Variants in CEP95 observed in about 807,000 individuals in gnomAD.
The protein encoded by CEP95 is centrosomal protein of 95 kDa.
In CEP95, 98 loss-of-function variants were observed where a neutral mutation model predicts 111.2. The observed-to-expected ratio is 0.88, with a 90% confidence interval of 0.75 to 1.04. CEP95 has a LOEUF of 1.04. Ranked by LOEUF, CEP95 falls within the 50% of genes least tolerant of loss-of-function variation. The pLI is 0.00. For missense variants in CEP95, 1,027 were observed against 977.2 expected, an observed-to-expected ratio of 1.05 and a Z score of -0.68; for synonymous variants, 323 against 327.1, an observed-to-expected ratio of 0.99 and a Z score of 0.14.
At chr17:64,507,299 G>C in intron 1 of CEP95, 183 bp downstream of exon 1, 2 of 1,464,498 alleles carry the variant, frequency 1.4e-6, no homozygotes, top group Non-Finnish European at 9.1e-7. Flanking sequence ...CTTCGAGGCC[G>C]TGGAACAGCA....
At chr17:64,530,874 G>T in intron 12 of CEP95, 52 bp from the exon 13 acceptor site, 1 of 1,062,410 alleles carries the variant, frequency 9.4e-7, no homozygotes, top group Non-Finnish European at 1.4e-6. Flanking sequence ...CCATGGTGCT[G>T]CCCGTTGTGT....
At chr17:64,511,263 TA>T (rs1455246981) in intron 3 of CEP95, among the ~76,000 whole-genome samples, 1 of 152,186 alleles carries the variant, frequency 6.6e-6, no homozygotes, top group Non-Finnish European at 1.5e-5. Flanking sequence ...GACCAAAATT[TA>T]TTAGGCGGGA....
chr17:64,514,187 GA>G, intron 3 of CEP95, 60 bp from the exon 4 acceptor site: 1 of 679,586 alleles, frequency 1.5e-6, no homozygotes, highest in Non-Finnish European at 2.6e-6. Flanking sequence ...CAAGTTTCAA[GA>G]TTATGAAGCT....
At chr17:64,518,648 A>G (rs1967062382) in intron 5 of CEP95, among the ~76,000 whole-genome samples, 1 of 152,156 alleles carries the variant, frequency 6.6e-6, no homozygotes, top group African/African-American at 2.4e-5. Flanking sequence ...GTACATTGTA[A>G]AAAATGTGTC....
chr17:64,527,568 C>G (rs1387073551), intron 11 of CEP95, among the ~76,000 whole-genome samples: 1 of 152,056 alleles, frequency 6.6e-6, no homozygotes, highest in African/African-American at 2.4e-5. Flanking sequence ...TTCTTCTGAT[C>G]CTTGTTTTTA....
At chr17:64,518,112 A>G (rs1967015559) in intron 5 of CEP95, among the ~76,000 whole-genome samples, 1 of 152,104 alleles carries the variant, frequency 6.6e-6, no homozygotes, top group Non-Finnish European at 1.5e-5. Flanking sequence ...CCTGACCTCA[A>G]GTGATCCGCC....
intron 19 of CEP95, 99 bp from the exon 20 acceptor site, chr17:64,537,504 T>A: frequency 6.9e-7 from 1 of 1,446,296 alleles, no homozygotes; most frequent in Admixed American, 2.7e-5. Flanking sequence ...TATTGAAAAT[T>A]TTGGAGGAGT....
intron 12 of CEP95, among the ~76,000 whole-genome samples, chr17:64,530,148 G>A (rs1227436639): frequency 6.6e-6 from 1 of 152,180 alleles, no homozygotes; most frequent in Non-Finnish European, 1.5e-5. Flanking sequence ...CACTTTGGGA[G>A]GGTGAGACAG....
chr17:64,508,038 A>G, intron 1 of CEP95: 1 of 985,374 alleles, frequency 1.0e-6, no homozygotes, highest in Non-Finnish European at 1.2e-6. Context: ...TAAAAAAGAA[A>G]AACTAACAAA....
intron 8 of CEP95, 25 bp from the exon 9 acceptor site, chr17:64,525,745 T>C (rs781818571): frequency 4.7e-6 from 7 of 1,482,010 alleles, no homozygotes; most frequent in Non-Finnish European, 6.5e-6. Flanking sequence ...CTTTTTCAAA[T>C]CAACTTTTTT....
At chr17:64,534,908 T>G (rs1968547404) in intron 17 of CEP95, 171 bp downstream of exon 17, 1 of 693,284 alleles carries the variant, frequency 1.4e-6, no homozygotes, top group Non-Finnish European at 2.5e-6. Context: ...CTTACTCCAT[T>G]GTGCATTCCC....
chr17:64,521,439 C>T lies in CEP95; in HGVS notation c.627C>T (p.Ala209=), dbSNP rs200271915. The T allele has an allele frequency of 7.4e-6, 12 of 1,612,656 alleles. No individual in the cohort carries two copies. The highest frequency in any genetic ancestry group is 3.3e-4 in the Middle Eastern group (2 of 6,058). ...QCPNEMLSKK[A]LASPSSKSHE... ...CTAATGAAATGCTGTCTAAAAAAGC[C>T]TTAGCCTCACCAAGTTCTAAATCAC... The change falls in exon 7 of 20, where the codon GCC becomes GCT. Residue 209 remains alanine (A), a synonymous_variant. Transcript: ENST00000556440.
chr17:64,508,109 T>A, intron 1 of CEP95: 1 of 985,452 alleles, frequency 1.0e-6, no homozygotes, highest in Non-Finnish European at 1.2e-6. Context: ...AATCACCACT[T>A]TTTCCGGCAC....
intron 7 of CEP95, 119 bp downstream of exon 7, chr17:64,521,646 TCTTA>T (rs1967347061): frequency 2.4e-6 from 2 of 822,348 alleles, no homozygotes; most frequent in South Asian, 2.4e-5. Flanking sequence ...TCTTACATGA[TCTTA>T]CTTGTAAATG....
chr17:64,524,271 A>G (rs1967616666), intron 8 of CEP95, among the ~76,000 whole-genome samples: 1 of 152,168 alleles, frequency 6.6e-6, no homozygotes, highest in African/African-American at 2.4e-5. Context: ...TTTTATTAAA[A>G]TATGATTATA....
chr17:64,509,612 A>T (rs888659487), intron 2 of CEP95, among the ~76,000 whole-genome samples: 5 of 152,214 alleles, frequency 3.3e-5, no homozygotes, highest in Middle Eastern at 3.2e-3. Context: ...TTGAGCCGGG[A>T]AAGTGGAGGT....
Position 64,508,589 on chromosome 17 carries a change from CAG to C in CEP95, c.20_21del. On this transcript the variant is annotated splice_acceptor_variant, in intron 1 of 19. Transcript: ENST00000556440. LOFTEE classifies it high-confidence loss of function. ...ACTGATCTTTCCCCCTTTTTCCCAA[CAG>C]AGTGGGTAACCATTGCCAATAACCT... 1 of 1,383,108 alleles carries C rather than the reference CAG, an allele frequency of 7.2e-7. No homozygotes were observed. Among genetic ancestry groups the C allele is most frequent in the Non-Finnish European group, 9.5e-7 (1 of 1,055,986 alleles). 85.7% of individuals were successfully genotyped at this position (1,383,108 alleles called of 1,614,324 possible).
At chr17:64,513,185 T>C (rs2038980035) in intron 3 of CEP95, among the ~76,000 whole-genome samples, 1 of 152,210 alleles carries the variant, frequency 6.6e-6, no homozygotes, top group East Asian at 1.9e-4. Context: ...TTACTAGTAG[T>C]AGTATAAAAC....
At position 64,534,470 on chromosome 17, in the gene CEP95, C is replaced by A. The variant is rs558948737; in HGVS notation, c.1918-115C>A. On this transcript the variant is annotated intron_variant, in intron 16 of 19. Coordinates refer to ENST00000556440, the MANE Select transcript of CEP95 (RefSeq NM_138363.3). Reference sequence around the variant, plus strand: ...AGGGCTTCTGGGGCCACTGGCCCCCCACACGTGACATACTGCCTGAAGACA... The same window carrying A: ...AGGGCTTCTGGGGCCACTGGCCCCCAACACGTGACATACTGCCTGAAGACA... 5 of 931,172 alleles carry A rather than the reference C, an allele frequency of 5.4e-6. No individual in the cohort carries two copies. In the East Asian group the frequency reaches 1.2e-4, roughly 23 times the overall value. The allele number at this position is 931,172 out of a possible 1,614,324, so 57.7% of individuals were successfully genotyped here.
Sources: gnomAD v4.1 joint callset for allele counts (sites outside exome capture counted in the v4.1 genomes callset) on GRCh38, gnomAD v4.1.1 for gene constraint, MANE v1.5 for transcripts, NCBI Gene and HGNC (gene_info 2026-07-23, HGNC 2026-07-21) for gene names.